The following PCDH9 variants were observed in gnomAD, a reference collection of about 807,000 sequenced individuals.
PCDH9 encodes protocadherin 9.
Under a neutral mutation model 70.6 loss-of-function variants are expected in PCDH9, and 24 were observed. That is an observed-to-expected ratio of 0.34 (90% CI 0.25 to 0.48). The LOEUF is 0.48. PCDH9 is among the 20% of genes least tolerant of loss of function. The pLI is 0.99. For missense variants in PCDH9, 1,281 were observed against 1,503.6 expected, an observed-to-expected ratio of 0.85 and a Z score of 2.45; for synonymous variants, 562 against 558.5, an observed-to-expected ratio of 1.01 and a Z score of -0.09.
intron 3 of PCDH9, among the ~76,000 whole-genome samples, chr13:66,738,295 G>A (rs1356141788): frequency 1.3e-5 from 2 of 151,354 alleles, no homozygotes; most frequent in African/African-American, 2.4e-5. Context: ...TCTGTTAGAA[G>A]GAAAACTAAC....
chr13:66,949,646 T>TA (rs2083145493), intron 2 of PCDH9, among the ~76,000 whole-genome samples: 1 of 152,054 alleles, frequency 6.6e-6, no homozygotes, highest in Non-Finnish European at 1.5e-5. Flanking sequence ...CATTAAAATG[T>TA]AAATACTCCT....
intron 4 of PCDH9, among the ~76,000 whole-genome samples, chr13:66,314,877 T>C (rs1198346106): frequency 6.6e-6 from 1 of 152,206 alleles, no homozygotes; most frequent in Non-Finnish European, 1.5e-5. Context: ...TTGAACTATA[T>C]GGCAAAGGGG....
intron 2 of PCDH9, among the ~76,000 whole-genome samples, chr13:67,037,046 TTCAGA>T (rs752094651): frequency 3.3e-5 from 5 of 152,138 alleles, no homozygotes; most frequent in Non-Finnish European, 7.3e-5. Flanking sequence ...GGATCTAGTT[TTCAGA>T]TTACCCCACA....
intron 4 of PCDH9, among the ~76,000 whole-genome samples, chr13:66,591,685 A>G (rs2077041071): frequency 3.3e-5 from 5 of 151,720 alleles, no homozygotes; most frequent in African/African-American, 2.4e-5. Context: ...TTATCTGACA[A>G]CAATGAATTT....
intron 4 of PCDH9, among the ~76,000 whole-genome samples, chr13:66,414,832 T>A (rs1566307819): frequency 6.6e-6 from 1 of 152,186 alleles, no homozygotes. Flanking sequence ...TAAACAGATT[T>A]GAATTTTAAG....
intron 3 of PCDH9, among the ~76,000 whole-genome samples, chr13:66,727,136 CA>C: frequency 6.6e-6 from 1 of 152,018 alleles, no homozygotes; most frequent in African/African-American, 2.4e-5. Context: ...GGTGTGTTGG[CA>C]CACACCTGTA....
At chr13:66,542,870 A>C (rs1961026161) in intron 4 of PCDH9, among the ~76,000 whole-genome samples, 1 of 149,914 alleles carries the variant, frequency 6.7e-6, no homozygotes, top group African/African-American at 2.4e-5. Context: ...TTATGTATCT[A>C]TCATATGAGA....
intron 3 of PCDH9, among the ~76,000 whole-genome samples, chr13:66,840,703 T>C (rs914215298): frequency 1.3e-5 from 2 of 152,208 alleles, no homozygotes; most frequent in Admixed American, 6.5e-5. Flanking sequence ...AGTAGGGCAG[T>C]TTTTCCATAT....
intron 2 of PCDH9, among the ~76,000 whole-genome samples, chr13:67,176,503 G>T (rs1234313208): frequency 1.3e-5 from 2 of 149,210 alleles, no homozygotes. Flanking sequence ...CCTTTGAATG[G>T]TTTTCAAAAA....
intron 4 of PCDH9, among the ~76,000 whole-genome samples, chr13:66,345,392 C>T (rs543053675): frequency 3.3e-5 from 5 of 152,154 alleles, no homozygotes; most frequent in African/African-American, 1.2e-4. Context: ...TCCAGCCATG[C>T]ACACTGTGTT....
At chr13:66,703,292 C>T (rs1343808197) in intron 3 of PCDH9, among the ~76,000 whole-genome samples, 1 of 152,162 alleles carries the variant, frequency 6.6e-6, no homozygotes, top group Non-Finnish European at 1.5e-5. Context: ...TTGTCCTTCC[C>T]TCTCACTAGC....
intron 3 of PCDH9, among the ~76,000 whole-genome samples, chr13:66,787,767 C>T (rs985044955): frequency 6.6e-6 from 1 of 152,156 alleles, no homozygotes; most frequent in Non-Finnish European, 1.5e-5. Context: ...TCTTCCCCTT[C>T]ATCCAATCAG....
intron 4 of PCDH9, among the ~76,000 whole-genome samples, chr13:66,446,775 C>T (rs1056505549): frequency 1.3e-5 from 2 of 151,962 alleles, no homozygotes; most frequent in African/African-American, 2.4e-5. Context: ...TTTTATCTAA[C>T]GAAGCTGTAG....
chr13:66,982,026 C>T (rs1384056242), intron 2 of PCDH9, among the ~76,000 whole-genome samples: 1 of 152,136 alleles, frequency 6.6e-6, no homozygotes, highest in Non-Finnish European at 1.5e-5. Context: ...GTGTTTGGAT[C>T]ATGGGGGCGG....
intron 2 of PCDH9, among the ~76,000 whole-genome samples, chr13:66,910,506 T>A (rs1177807098): frequency 6.8e-6 from 1 of 147,420 alleles, no homozygotes; most frequent in Non-Finnish European, 1.5e-5. Context: ...ACAGTTAAGA[T>A]ATAAGAATGC....
At chr13:66,731,775 T>C (rs893666429) in intron 3 of PCDH9, among the ~76,000 whole-genome samples, 4 of 152,116 alleles carry the variant, frequency 2.6e-5, no homozygotes, top group Non-Finnish European at 4.4e-5. Flanking sequence ...TAATATTAAA[T>C]TATACATTCT....
At chr13:66,840,751 A>T (rs2081102888) in intron 3 of PCDH9, among the ~76,000 whole-genome samples, 1 of 152,212 alleles carries the variant, frequency 6.6e-6, no homozygotes, top group Non-Finnish European at 1.5e-5. Context: ...CTGTTGCATG[A>T]CAAACATAAA....
At chr13:66,616,141 C>G (rs1416293535) in intron 4 of PCDH9, among the ~76,000 whole-genome samples, 1 of 152,184 alleles carries the variant, frequency 6.6e-6, no homozygotes, top group Non-Finnish European at 1.5e-5. Context: ...ATGTTACTTT[C>G]TGACAGTCTA....
At chr13:66,597,640 T>C (rs1437495118) in intron 4 of PCDH9, among the ~76,000 whole-genome samples, 1 of 151,628 alleles carries the variant, frequency 6.6e-6, no homozygotes, top group Non-Finnish European at 1.5e-5. Flanking sequence ...GATGAAAACA[T>C]GGAGGAAAGC....
Sources: gnomAD v4.1 joint callset for allele counts (sites outside exome capture counted in the v4.1 genomes callset) on GRCh38, gnomAD v4.1.1 for gene constraint, MANE v1.5 for transcripts, NCBI Gene and HGNC (gene_info 2026-07-23, HGNC 2026-07-21) for gene names.